The following OPA1 variants were observed in gnomAD, a reference collection of about 807,000 sequenced individuals.
OPA1 encodes the protein OPA1 mitochondrial dynamin like GTPase.
A neutral mutation model predicts 152.9 loss-of-function variants in OPA1; 59 were observed. The observed-to-expected ratio is 0.39, with a 90% CI of 0.31 to 0.48. The LOEUF (loss-of-function observed/expected upper bound fraction) is 0.48. Ranked by LOEUF, OPA1 falls within the 20% of genes least tolerant of loss-of-function variation. OPA1 has a pLI of 0.96. For synonymous variants in OPA1, 400 were observed against 389.9 expected (o/e 1.03, Z -0.31); for missense variants, 1,008 against 1,216.8 (o/e 0.83, Z 2.55).
intron 28 of OPA1, 124 bp downstream of exon 28, chr3:193,666,513 T>G: frequency 3.7e-6 from 3 of 815,804 alleles, no homozygotes; most frequent in Non-Finnish European, 4.0e-6. Flanking sequence ...ACTGGCCAGG[T>G]GTGGTAGCTC....
chr3:193,635,670 T>C, intron 9 of OPA1, 148 bp downstream of exon 9: 1 of 622,368 alleles, frequency 1.6e-6, no homozygotes, highest in Non-Finnish European at 2.9e-6. Flanking sequence ...TCTCTTCCTA[T>C]ATTAAGACAT....
intron 21 of OPA1, among the ~76,000 whole-genome samples, chr3:193,654,100 G>C (rs571447209): frequency 2.0e-5 from 3 of 152,278 alleles, no homozygotes; most frequent in Non-Finnish European, 2.9e-5. Context: ...TCTCATAGCA[G>C]CTTTATTTGT....
At chr3:193,636,488 A>T in intron 9 of OPA1, among the ~76,000 whole-genome samples, 1 of 151,480 alleles carries the variant, frequency 6.6e-6, no homozygotes, top group Non-Finnish European at 1.5e-5. Context: ...CTCCTGCCTT[A>T]GCATTAAAAC....
intron 29 of OPA1, chr3:193,668,390 C>T (rs1011114536): frequency 1.6e-5 from 25 of 1,551,446 alleles, no homozygotes; most frequent in Non-Finnish European, 2.1e-5. Flanking sequence ...AGCATTGACA[C>T]TTCTTTTACC....
At chr3:193,625,475 A>G (rs971872692) in intron 6 of OPA1, among the ~76,000 whole-genome samples, 1 of 151,824 alleles carries the variant, frequency 6.6e-6, no homozygotes, top group Non-Finnish European at 1.5e-5. Context: ...TAGTTATTTG[A>G]TATTATATAT....
chr3:193,661,531 G>A (rs115025410), intron 25 of OPA1, among the ~76,000 whole-genome samples: 215 of 152,278 alleles, frequency 1.4e-3, no homozygotes, highest in African/African-American at 5.0e-3. Flanking sequence ...GTCTCACATC[G>A]TAAGTTCACT....
intron 29 of OPA1, among the ~76,000 whole-genome samples, chr3:193,672,138 T>C (rs1718068332): frequency 6.6e-6 from 1 of 152,240 alleles, no homozygotes; most frequent in Admixed American, 6.5e-5. Flanking sequence ...TTTATTGAAA[T>C]AGTATAACTT....
chr3:193,689,081 C>T (rs1157812724), intron 29 of OPA1: 1 of 152,086 alleles, frequency 6.6e-6, no homozygotes, highest in Non-Finnish European at 1.5e-5. Context: ...ATGATACCTG[C>T]AAGGTTGTAT....
At chr3:193,649,366 T>C (rs960289043) in intron 21 of OPA1, among the ~76,000 whole-genome samples, 13 of 152,162 alleles carry the variant, frequency 8.5e-5, no homozygotes, top group Non-Finnish European at 1.3e-4. Flanking sequence ...TTGAAAAATA[T>C]GTTAATCTTT....
At chr3:193,661,070 C>G (rs1164526120) in intron 25 of OPA1, among the ~76,000 whole-genome samples, 1 of 152,216 alleles carries the variant, frequency 6.6e-6, no homozygotes, top group Non-Finnish European at 1.5e-5. Flanking sequence ...TGGCCAAACA[C>G]TCTCTGAAAG....
chr3:193,614,784 A>C lies in OPA1; in HGVS notation c.94A>C (p.Lys32Gln), dbSNP rs933583665. The change falls in exon 2 of 31, where the codon AAA becomes CAA. Residue 32 changes from lysine (K) to glutamine (Q), a missense_variant. Physicochemically the swap from Lys to Gln is moderately conservative, Grantham distance 53. This residue lies in a region of OPA1 where 408 missense variants were observed against 395.1 expected (regional missense o/e 1.03). Transcript: ENST00000361510. ...SGIKGSLPLQ[K>Q]LHLVSRSIYH... Reference sequence around the variant, plus strand: ...AATAAAAGGAAGTTTACCACTACAAAAACTACATCTGGTTTCACGAAGCAT... The same window carrying C: ...AATAAAAGGAAGTTTACCACTACAACAACTACATCTGGTTTCACGAAGCAT... 6.2e-7 allele frequency: 1 copy of C among 1,614,130 alleles called. No homozygotes were observed.
chr3:193,644,102 CAGGGTG>C lies in OPA1; in HGVS notation c.1608+1_1608+6del. 1 of 1,613,336 alleles carries C rather than the reference CAGGGTG, an allele frequency of 6.2e-7. No homozygotes were observed. Among genetic ancestry groups the C allele is most frequent in the Non-Finnish European group, 8.5e-7 (1 of 1,179,574 alleles). On this transcript the variant is annotated splice_donor_variant and splice_donor_region_variant and coding_sequence_variant and intron_variant, in exon 16 of 31. Coordinates refer to ENST00000361510, the MANE Select transcript of OPA1 (RefSeq NM_130837.3). LOFTEE classifies it high-confidence loss of function. Reference sequence around the variant, plus strand: ...CAGAGAAAAATGTAGCCAGTCCAAGCAGGGTGAGGTCAAATTCTTTGTTGCGAGAAT... The same window carrying C: ...CAGAGAAAAATGTAGCCAGTCCAAGCAGGTCAAATTCTTTGTTGCGAGAAT...
At chr3:193,675,261 A>C (rs968203076) in intron 29 of OPA1, among the ~76,000 whole-genome samples, 1 of 150,790 alleles carries the variant, frequency 6.6e-6, no homozygotes, top group South Asian at 2.1e-4. Flanking sequence ...TTTTAAAGGA[A>C]GAGAGGGTGA....
chr3:193,680,781 T>A (rs993120638), intron 29 of OPA1, among the ~76,000 whole-genome samples: 15 of 152,232 alleles, frequency 9.9e-5, no homozygotes, highest in Non-Finnish European at 1.6e-4. Context: ...TCATATTTTT[T>A]AAAATGTATT....
intron 16 of OPA1, 88 bp downstream of exon 16, chr3:193,644,193 ACAAC>A: frequency 6.8e-7 from 1 of 1,481,370 alleles, no homozygotes; most frequent in Non-Finnish European, 9.4e-7. Flanking sequence ...AACAACAACA[ACAAC>A]AAAAAAACAC....
intron 29 of OPA1, among the ~76,000 whole-genome samples, chr3:193,668,095 CAT>C (rs1396164411): frequency 8.5e-5 from 13 of 152,162 alleles, no homozygotes; most frequent in South Asian, 2.1e-4. Context: ...ATTCCTAAAT[CAT>C]GTGTATATTT....
rs377726977 is a variant in OPA1, at chr3:193,643,414, G to A, written c.1347G>A (p.Met449Ile). Residue 449 changes from methionine to isoleucine, a missense_variant, in exon 14 of 31, where the codon ATG becomes ATA. Met to Ile is a conservative substitution (Grantham distance 10). Transcript: ENST00000361510. Reference sequence around the variant, plus strand: ...TAAAAGGCCCTGGACTACAGAGGATGGTGCTTGTTGACTTACCAGGTGTGA... The same window carrying A: ...TAAAAGGCCCTGGACTACAGAGGATAGTGCTTGTTGACTTACCAGGTGTGA... ...LNVKGPGLQR[M>I]VLVDLPGVIN... The A allele has an allele frequency of 3.1e-6, 5 of 1,611,932 alleles. No individual in the cohort carries two copies. The African/African-American group carries it at 5.3e-5, about 17-fold the overall frequency.
intron 29 of OPA1, among the ~76,000 whole-genome samples, chr3:193,690,533 A>G (rs991674341): frequency 6.6e-6 from 1 of 151,986 alleles, no homozygotes; most frequent in Admixed American, 6.6e-5. Flanking sequence ...AGAATAAATT[A>G]CTGGAAAAAG....
At chr3:193,687,584 G>C (rs374358115) in intron 29 of OPA1, among the ~76,000 whole-genome samples, 1 of 152,184 alleles carries the variant, frequency 6.6e-6, no homozygotes, top group Admixed American at 6.5e-5. Context: ...TGGTGAAATA[G>C]TTACAATAAT....
Sources: gnomAD v4.1 joint callset for allele counts (sites outside exome capture counted in the v4.1 genomes callset) on GRCh38, gnomAD v4.1.1 for gene constraint, gnomAD v4.1.1 regional missense constraint, MANE v1.5 for transcripts, NCBI Gene and HGNC (gene_info 2026-07-23, HGNC 2026-07-21) for gene names.